PARP8: variants seen among roughly 807,000 people sequenced by gnomAD.
PARP8 encodes poly(ADP-ribose) polymerase family member 8.
PARP8 carries 51 observed loss-of-function variants against 124.1 expected under a neutral mutation model. The observed-to-expected ratio is 0.41, with a 90% CI of 0.33 to 0.52. The LOEUF (loss-of-function observed/expected upper bound fraction) is 0.52. Among genes scored for constraint, PARP8 ranks in the 20% least tolerant of loss-of-function variants. PARP8 has a pLI of 0.21. For missense variants in PARP8, 860 were observed against 1,018.9 expected (o/e 0.84, Z 2.12); for synonymous variants, 391 against 361.5 (o/e 1.08, Z -0.93).
chr5:50,696,315 A>T (rs1579990187), intron 2 of PARP8, among the ~76,000 whole-genome samples: 1 of 152,170 alleles, frequency 6.6e-6, no homozygotes, highest in Admixed American at 6.5e-5. Flanking sequence ...TTATGCTAAG[A>T]TTAGTGTAAA....
intron 21 of PARP8, among the ~76,000 whole-genome samples, chr5:50,828,796 A>T (rs1294024211): frequency 6.6e-6 from 1 of 151,780 alleles, no homozygotes; most frequent in African/African-American, 2.4e-5. Flanking sequence ...TAATTGGGAG[A>T]ATAATTTGAA....
intron 15 of PARP8, among the ~76,000 whole-genome samples, chr5:50,819,428 T>TTC (rs1745496991): frequency 1.6e-5 from 1 of 61,564 alleles, no homozygotes; most frequent in African/African-American, 1.0e-4. Flanking sequence ...TTTTATCTTC[T>TTC]TTTTTTTTTT....
chr5:50,828,333 G>A lies in PARP8; in HGVS notation c.2112G>A (p.Trp704Ter). The A allele has an allele frequency of 6.2e-7, 1 of 1,613,452 alleles. No individual in the cohort carries two copies. Among genetic ancestry groups the A allele is most frequent in the East Asian group, 2.2e-5 (1 of 44,846 alleles). The change falls in exon 21 of 26, where the codon TGG becomes TGA. Residue 704 changes from tryptophan to a stop codon, truncating the protein, a stop_gained. Transcript: ENST00000281631. LOFTEE classifies it high-confidence loss of function. ...FAFHGSHIEN[W>*]HSILRNGLVV... ...TTAGTGGCTCACACATTGAAAACTG[G>A]CACTCCATCCTGAGGAATGGTCTGG... is the stretch of plus-strand genomic sequence containing the variant.
Position 50,827,366 on chromosome 5 carries a change from A to G in PARP8, c.1977+563A>G, listed in dbSNP as rs570444048. ...TCCTGCATAACTATATTCCTAAGAGAAAGGGAAACACTTAGAAGATGTTTT... is the reference window on the plus strand; with the variant it reads ...TCCTGCATAACTATATTCCTAAGAGGAAGGGAAACACTTAGAAGATGTTTT... On this transcript the variant is annotated intron_variant, in intron 19 of 25. Transcript: ENST00000281631. Among the ~76,000 whole-genome samples the G allele has an allele frequency of 2.0e-5, 3 of 152,246 alleles. No homozygotes were observed. In the South Asian group the frequency reaches 6.2e-4, roughly 32 times the overall value.
chr5:50,759,658 C>G lies in PARP8; in HGVS notation c.200C>G (p.Ser67Ter). The change falls in exon 4 of 26, where the codon TCA becomes TGA. Residue 67 changes from serine (S) to a stop codon, truncating the protein, a stop_gained. Coordinates refer to ENST00000281631, the MANE Select transcript of PARP8 (RefSeq NM_024615.4). LOFTEE classifies it high-confidence loss of function. ...SEDYPDNTYVSSSENDEDVLV... is the reference protein window; with the variant it reads ...SEDYPDNTYV ...TTTTTTGCAGATAATACATATGTGT[C>G]AAGTTCAGAGAATGATGAAGATGTG... 6.8e-7 allele frequency: 1 copy of G among 1,474,398 alleles called. No individual in the cohort carries two copies. The highest frequency in any genetic ancestry group is 9.0e-7 in the Non-Finnish European group (1 of 1,107,790). 91.3% of individuals were successfully genotyped at this position (1,474,398 alleles called of 1,614,324 possible).
chr5:50,761,940 T>C (rs377630239), intron 6 of PARP8, 42 bp downstream of exon 6: 1 of 1,305,322 alleles, frequency 7.7e-7, no homozygotes. Flanking sequence ...CTTAAAGTTC[T>C]AATAGCCATG....
chr5:50,708,979 G>A (rs1754446589), intron 2 of PARP8, among the ~76,000 whole-genome samples: 1 of 150,416 alleles, frequency 6.6e-6, no homozygotes, highest in Admixed American at 6.7e-5. Context: ...AGAGACAGGG[G>A]TCTCAATATG....
At chr5:50,682,929 G>A (rs548672255) in intron 2 of PARP8, among the ~76,000 whole-genome samples, 5 of 51,302 alleles carry the variant, frequency 9.7e-5, no homozygotes, top group East Asian at 1.2e-3. Context: ...TCTAATAAGC[G>A]TGAGTACATT....
At chr5:50,699,300 T>C (rs1419554973) in intron 2 of PARP8, among the ~76,000 whole-genome samples, 1 of 152,236 alleles carries the variant, frequency 6.6e-6, no homozygotes, top group Non-Finnish European at 1.5e-5. Context: ...TCATTGACTC[T>C]TTGGATTTCT....
At chr5:50,749,407 G>A (rs1265595676) in intron 2 of PARP8, among the ~76,000 whole-genome samples, 1 of 151,992 alleles carries the variant, frequency 6.6e-6, no homozygotes, top group Non-Finnish European at 1.5e-5. Context: ...ATAAATAGAC[G>A]TAGATCTTAA....
intron 3 of PARP8, among the ~76,000 whole-genome samples, chr5:50,753,295 A>C (rs1759465420): frequency 6.6e-6 from 1 of 152,052 alleles, no homozygotes; most frequent in African/African-American, 2.4e-5. Context: ...TAGAGGAATG[A>C]AGGGATACTT....
intron 17 of PARP8, among the ~76,000 whole-genome samples, chr5:50,823,657 A>G (rs1402051392): frequency 6.6e-6 from 1 of 152,246 alleles, no homozygotes; most frequent in African/African-American, 2.4e-5. Flanking sequence ...ACTTTGGTAT[A>G]AGGTATACTA....
chr5:50,802,229 C>T (rs554996711), intron 14 of PARP8, among the ~76,000 whole-genome samples: 1 of 152,184 alleles, frequency 6.6e-6, no homozygotes, highest in East Asian at 1.9e-4. Context: ...CATGTTGTAG[C>T]TTTTCAGTTT....
At chr5:50,792,493 T>A (rs1742074705) in intron 10 of PARP8, among the ~76,000 whole-genome samples, 1 of 152,016 alleles carries the variant, frequency 6.6e-6, no homozygotes, top group Admixed American at 6.6e-5. Context: ...TTTTTTTTGT[T>A]CCTCTTAGCT....
Position 50,694,586 on chromosome 5 carries a change from G to T in PARP8, c.146+26461G>T, listed in dbSNP as rs1752823756. On this transcript the variant is annotated intron_variant, in intron 2 of 25. Transcript: ENST00000281631. ...TTAAGAACCTCAGTTTTAACTATGA[G>T]CCTGACAGTGCACATTGAGATATTA... Among the ~76,000 whole-genome samples the T allele has an allele frequency of 6.6e-5, 10 of 152,136 alleles. No homozygotes were observed. In the South Asian group the frequency reaches 2.1e-3, roughly 32 times the overall value.
intron 1 of PARP8, 140 bp downstream of exon 1, chr5:50,667,326 C>A (rs1749407457): frequency 4.4e-6 from 4 of 900,816 alleles, no homozygotes; most frequent in South Asian, 1.4e-5. Context: ...CTGCAACGAG[C>A]GCGGGAGCCA....
intron 14 of PARP8, among the ~76,000 whole-genome samples, chr5:50,801,203 T>TGCCTTCCCG (rs1743184231): frequency 6.6e-6 from 1 of 152,032 alleles, no homozygotes; most frequent in Non-Finnish European, 1.5e-5. Flanking sequence ...CGGGTTCAAG[T>TGCCTTCCCG]GATTCTCCTG....
intron 14 of PARP8, among the ~76,000 whole-genome samples, chr5:50,812,993 G>A (rs1744645473): frequency 6.6e-6 from 1 of 152,142 alleles, no homozygotes; most frequent in African/African-American, 2.4e-5. Flanking sequence ...TTTGGTTACT[G>A]TAGCCTTGTA....
chr5:50,828,253 C>T, intron 20 of PARP8, 59 bp from the exon 21 acceptor site: 2 of 1,510,062 alleles, frequency 1.3e-6, no homozygotes, highest in Non-Finnish European at 1.8e-6. Flanking sequence ...TATGTTTTGA[C>T]CACTTTGAAG....
Sources: gnomAD v4.1 joint callset for allele counts (sites outside exome capture counted in the v4.1 genomes callset) on GRCh38, gnomAD v4.1.1 for gene constraint, MANE v1.5 for transcripts, NCBI Gene and HGNC (gene_info 2026-07-23, HGNC 2026-07-21) for gene names.